The following ZBTB7A variants were observed in gnomAD, a reference collection of about 807,000 sequenced individuals.
ZBTB7A encodes the protein zinc finger and BTB domain-containing protein 7A.
ZBTB7A carries 7 observed loss-of-function variants against 26.7 expected under a neutral mutation model. That is an observed-to-expected ratio of 0.26 (90% CI 0.15 to 0.49). The LOEUF (loss-of-function observed/expected upper bound fraction) is 0.49, where lower values mean the gene tolerates loss of function less well. Among genes scored for constraint, ZBTB7A ranks in the 20% least tolerant of loss-of-function variants. The pLI is 0.98. For synonymous variants in ZBTB7A, 452 were observed against 441.0 expected (o/e 1.02, Z -0.31); for missense variants, 617 against 919.5 (o/e 0.67, Z 4.25).
At chr19:4,066,257 C>T (rs544904976) in intron 1 of ZBTB7A, among the ~76,000 whole-genome samples, 33 of 146,460 alleles carry the variant, frequency 2.3e-4, no homozygotes, top group African/African-American at 8.3e-4. Context: ...CACGCAGCAC[C>T]GAATAGGCCC....
intron 2 of ZBTB7A, among the ~76,000 whole-genome samples, chr19:4,050,070 C>G (rs552883052): frequency 1.3e-5 from 2 of 151,966 alleles, no homozygotes; most frequent in African/African-American, 4.8e-5. Flanking sequence ...ATTACAGGCC[C>G]TCTGCCACCA....
rs189185704 is a variant in ZBTB7A, at chr19:4,044,058, C to T, written c.*3694G>A. Among the ~76,000 whole-genome samples, 802 of 152,184 alleles carry T rather than the reference C, an allele frequency of 5.3e-3. 5 individuals are homozygous for T. The highest frequency in any genetic ancestry group is 0.018 in the African/African-American group (764 of 41,550). Reference sequence around the variant, plus strand: ...GGCGGGAGGGGGCACCCCGAGGCCCCTGCCTCAGTGTCACCACCTGTGAGG... The same window carrying T: ...GGCGGGAGGGGGCACCCCGAGGCCCTTGCCTCAGTGTCACCACCTGTGAGG... On this transcript the variant is annotated 3_prime_UTR_variant, in exon 3 of 3. Coordinates refer to ENST00000322357, the MANE Select transcript of ZBTB7A (RefSeq NM_015898.4).
At chr19:4,049,817 G>A (rs1450877688) in intron 2 of ZBTB7A, among the ~76,000 whole-genome samples, 1 of 152,158 alleles carries the variant, frequency 6.6e-6, no homozygotes, top group Non-Finnish European at 1.5e-5. Flanking sequence ...CCCGCAGTCC[G>A]GGGTACTTTC....
At chr19:4,049,164 GTGTGTATATATATATATATATATA>G (rs1555692274) in intron 2 of ZBTB7A, among the ~76,000 whole-genome samples, 2,604 of 21,202 alleles carry the variant, frequency 0.12, 283 homozygotes, top group African/African-American at 0.24. Flanking sequence ...GTGTGTGTGT[GTGTGTATATATATATATATATATA>G]TATATATATA....
chr19:4,047,622 T>C lies in ZBTB7A; in HGVS notation c.*130A>G. The stretch of plus-strand genomic sequence containing the variant: ...CGTCATATATATATATCTGTATATA[T>C]ATATATAGATATAGATATCTGTATA... On this transcript the variant is annotated 3_prime_UTR_variant, in exon 3 of 3. Transcript: ENST00000322357. 4 of 771,416 alleles carry C rather than the reference T, an allele frequency of 5.2e-6. No homozygotes were observed. The highest frequency in any genetic ancestry group is 7.7e-6 in the Non-Finnish European group (4 of 518,768). The allele number at this position is 771,416 out of a possible 1,614,324, so 47.8% of individuals were successfully genotyped here.
chr19:4,065,859 G>A (rs991023469), intron 1 of ZBTB7A: 1 of 142,846 alleles, frequency 7.0e-6, no homozygotes, highest in Admixed American at 6.8e-5. Flanking sequence ...CGGAAGCCGG[G>A]ACCGCCACCG....
intron 1 of ZBTB7A, among the ~76,000 whole-genome samples, chr19:4,061,311 A>C (rs918507057): frequency 6.6e-6 from 1 of 152,116 alleles, no homozygotes; most frequent in African/African-American, 2.4e-5. Flanking sequence ...CGGCCGGCCC[A>C]AGGTCACACT....
chr19:4,048,691 C>CA lies in ZBTB7A; in HGVS notation c.1263-448dup, dbSNP rs746474015. Among the ~76,000 whole-genome samples the CA allele has an allele frequency of 2.0e-5, 2 of 99,030 alleles. No homozygotes were observed. Among genetic ancestry groups the CA allele is most frequent in the Admixed American group, 9.1e-5 (1 of 10,962 alleles). 65.0% of individuals were successfully genotyped at this position (99,030 alleles called of 152,430 possible). A position where few individuals can be genotyped will look rare whatever the true frequency, so the allele number is the denominator to read the frequency against. Reference sequence around the variant, plus strand: ...ACTAAAAAAACAAAAAACAAAAAAACAAAAAACAAAAATCAGCCGGGCATG... The same window carrying CA: ...ACTAAAAAAACAAAAAACAAAAAAACAAAAAAACAAAAATCAGCCGGGCATG... On this transcript the variant is annotated intron_variant, in intron 2 of 2. Transcript: ENST00000322357. The surrounding 1 kb of genome is among the most constrained non-coding windows in gnomAD (Gnocchi z 6.7).
chr19:4,063,584 A>G (rs1346264971), intron 1 of ZBTB7A, among the ~76,000 whole-genome samples: 1 of 152,132 alleles, frequency 6.6e-6, no homozygotes, highest in Non-Finnish European at 1.5e-5. Context: ...CTGAGCCTCA[A>G]TGTCATCTTC....
chr19:4,044,085 G>A lies in ZBTB7A; in HGVS notation c.*3667C>T, dbSNP rs940359643. Among the ~76,000 whole-genome samples, 2 of 152,008 alleles carry A rather than the reference G, an allele frequency of 1.3e-5. No homozygotes were observed. The highest frequency in any genetic ancestry group is 2.9e-5 in the Non-Finnish European group (2 of 67,986). ...GCCTCAGTGTCACCACCTGTGAGGT[G>A]ACCGCTCCTGCCACGGCCCCGGGGT... On this transcript the variant is annotated 3_prime_UTR_variant, in exon 3 of 3. Transcript: ENST00000322357.
At chr19:4,061,357 C>T (rs1047596326) in intron 1 of ZBTB7A, among the ~76,000 whole-genome samples, 1 of 152,172 alleles carries the variant, frequency 6.6e-6, no homozygotes, top group Non-Finnish European at 1.5e-5. Flanking sequence ...GCCAGGCCCG[C>T]ACCCGGCAGC....
rs2144962728 is a variant in ZBTB7A, at chr19:4,045,127, T to C, written c.*2625A>G. 6.6e-6 allele frequency: 1 copy of C among 152,276 alleles called. No individual in the cohort carries two copies. The highest frequency in any genetic ancestry group is 2.1e-4 in the South Asian group (1 of 4,826). 9.4% of individuals were successfully genotyped at this position (152,276 alleles called of 1,614,324 possible). The stretch of plus-strand genomic sequence containing the variant: ...GCAATCCCCGAGGTCTGTGTAAGTG[T>C]CGCGGTGGGCCGCAGCCCTTGTTCC... On this transcript the variant is annotated 3_prime_UTR_variant, in exon 3 of 3. Transcript: ENST00000322357. This position sits in a 1 kb window ranked among gnomAD's most constrained non-coding sequence, Gnocchi z 4.1.
intron 1 of ZBTB7A, among the ~76,000 whole-genome samples, chr19:4,060,460 G>A (rs535875095): frequency 2.5e-4 from 38 of 152,322 alleles, no homozygotes; most frequent in Non-Finnish European, 2.9e-4. Flanking sequence ...CCTTCACTTC[G>A]TCTTCCCCAG....
intron 2 of ZBTB7A, among the ~76,000 whole-genome samples, chr19:4,049,166 GTGTA>G (rs1246838865): frequency 1.5e-4 from 2 of 13,476 alleles, no homozygotes; most frequent in Non-Finnish European, 3.0e-4. Context: ...GTGTGTGTGT[GTGTA>G]TATATATATA....
chr19:4,058,817 C>A (rs1041431403), intron 1 of ZBTB7A, among the ~76,000 whole-genome samples: 2 of 152,222 alleles, frequency 1.3e-5, no homozygotes, highest in Non-Finnish European at 2.9e-5. Flanking sequence ...AGCTGCCAGG[C>A]GACACAGAGG....
chr19:4,053,257 C>G (rs7246911), intron 2 of ZBTB7A, among the ~76,000 whole-genome samples: 1 of 152,226 alleles, frequency 6.6e-6, no homozygotes, highest in Non-Finnish European at 1.5e-5. Flanking sequence ...TGTCACCCAC[C>G]GGGATGTCCA....
chr19:4,055,440 G>A (rs948758852), intron 1 of ZBTB7A, 193 bp from the exon 2 acceptor site: 1 of 985,258 alleles, frequency 1.0e-6, no homozygotes, highest in East Asian at 1.1e-4. Context: ...GCACCAAAGC[G>A]ATACATGCCC....
intron 2 of ZBTB7A, among the ~76,000 whole-genome samples, chr19:4,049,169 T>TGC: frequency 1.9e-4 from 1 of 5,390 alleles, no homozygotes; most frequent in Non-Finnish European, 3.9e-4. Flanking sequence ...TGTGTGTGTG[T>TGC]ATATATATAT....
At chr19:4,055,500 T>TGG in intron 1 of ZBTB7A, 1 of 984,434 alleles carries the variant, frequency 1.0e-6, no homozygotes, top group Non-Finnish European at 1.2e-6. Context: ...AGAGACAGGC[T>TGG]ATCACCATGT....
Sources: allele counts gnomAD v4.1 joint callset (sites outside exome capture counted in the v4.1 genomes callset), GRCh38; gene constraint gnomAD v4.1.1; non-coding constraint Gnocchi (gnomAD v3.1); transcripts MANE v1.5; gene names NCBI Gene and HGNC (gene_info 2026-07-23, HGNC 2026-07-21).